Variants in IGDCC4 observed in about 807,000 individuals in gnomAD.
The protein encoded by IGDCC4 is likely ortholog of mouse neighbor of Punc E11.
IGDCC4 carries 72 observed loss-of-function variants against 116.6 expected under a neutral mutation model. The observed-to-expected ratio is 0.62, with a 90% CI of 0.51 to 0.75. IGDCC4 has a LOEUF of 0.75. Ranked by LOEUF, IGDCC4 falls within the 30% of genes least tolerant of loss-of-function variation. The probability of loss-of-function intolerance (pLI) is 0.00; values close to 1 mark genes in which losing one functional copy is unlikely to be tolerated. For missense variants in IGDCC4, 1,501 were observed against 1,662.4 expected (o/e 0.90, Z 1.69); for synonymous variants, 709 against 719.9 (o/e 0.98, Z 0.24).
chr15:65,414,501 T>C (rs1197892761), intron 1 of IGDCC4, among the ~76,000 whole-genome samples: 3 of 152,266 alleles, frequency 2.0e-5, no homozygotes, highest in Admixed American at 1.3e-4. Context: ...CTACCAGCTC[T>C]GTGACAAGCC....
intron 3 of IGDCC4, 141 bp downstream of exon 3, chr15:65,410,037 G>T: frequency 3.0e-6 from 3 of 1,010,476 alleles, no homozygotes; most frequent in East Asian, 2.6e-5. Context: ...CTAGACATGA[G>T]CCAGGAGTCA....
intron 5 of IGDCC4, among the ~76,000 whole-genome samples, 179 bp downstream of exon 5, chr15:65,400,627 C>T (rs2062974832): frequency 6.6e-6 from 1 of 152,180 alleles, no homozygotes; most frequent in Admixed American, 6.5e-5. Flanking sequence ...GAAGTCTGTC[C>T]AGTTCCCCAC....
intron 8 of IGDCC4, 68 bp downstream of exon 8, chr15:65,395,026 G>A: frequency 1.3e-6 from 2 of 1,504,174 alleles, no homozygotes; most frequent in Non-Finnish European, 1.8e-6. Flanking sequence ...AGTAAAGAGA[G>A]GGTGAGCTCC....
intron 3 of IGDCC4, among the ~76,000 whole-genome samples, chr15:65,407,499 T>C (rs1595790188): frequency 6.9e-6 from 1 of 144,578 alleles, no homozygotes; most frequent in South Asian, 2.2e-4. Context: ...CCTGCCACCA[T>C]GTCCAGCTAA....
At chr15:65,395,025 A>G (rs2140204853) in intron 8 of IGDCC4, 69 bp downstream of exon 8, 1 of 1,502,434 alleles carries the variant, frequency 6.7e-7, no homozygotes, top group South Asian at 1.3e-5. Flanking sequence ...TAGTAAAGAG[A>G]GGGTGAGCTC....
chr15:65,393,590 C>T lies in IGDCC4; in HGVS notation c.1715-59G>A, dbSNP rs1297722459. ...CCACCTGAGGAACAGGATCCTAAAC[C>T]CCCCTACATGGCTCTTCCGCCTCAC... is the stretch of plus-strand genomic sequence containing the variant. On this transcript the variant is annotated intron_variant, in intron 9 of 19. Coordinates refer to ENST00000352385, the MANE Select transcript of IGDCC4 (RefSeq NM_020962.3). The surrounding 1 kb of genome is among the most constrained non-coding windows in gnomAD (Gnocchi z 4.6). 6.6e-7 allele frequency: 1 copy of T among 1,508,840 alleles called. No individual in the cohort carries two copies. Among genetic ancestry groups the T allele is most frequent in the South Asian group, 1.3e-5 (1 of 77,310 alleles). 93.5% of individuals were successfully genotyped at this position (1,508,840 alleles called of 1,614,324 possible). A position where few individuals can be genotyped will look rare whatever the true frequency, so the allele number is the denominator to read the frequency against.
Position 65,386,647 on chromosome 15 carries a change from T to C in IGDCC4, c.2855A>G (p.Asp952Gly). ...TLQEKLSDSL[D>G]MHSVTGIIVG... Reference sequence around the variant, plus strand: ...GATGATGCCCGTGACTGAGTGCATGTCCAGCGAGTCTGGTGGGGGAGAGAG... The same window carrying C: ...GATGATGCCCGTGACTGAGTGCATGCCCAGCGAGTCTGGTGGGGGAGAGAG... Residue 952 changes from aspartate (D) to glycine (G), a missense_variant, in exon 17 of 20, where the codon GAC becomes GGC. This residue lies in a region of IGDCC4 where 235 missense variants were observed against 328.0 expected (regional missense o/e 0.72). Coordinates refer to ENST00000352385, the MANE Select transcript of IGDCC4 (RefSeq NM_020962.3). 6.2e-7 allele frequency: 1 copy of C among 1,610,874 alleles called. No individual in the cohort carries two copies. Among genetic ancestry groups the C allele is most frequent in the South Asian group, 1.1e-5 (1 of 89,982 alleles).
intron 2 of IGDCC4, chr15:65,410,646 C>T (rs923503705): frequency 1.1e-5 from 5 of 463,350 alleles, no homozygotes; most frequent in African/African-American, 3.9e-5. Flanking sequence ...AAGGCTGGAG[C>T]GTGGGGTTTG....
Position 65,396,101 on chromosome 15 carries a change from A to G in IGDCC4, c.1060T>C (p.Phe354Leu). Reference protein sequence around the residue: ...LSRTRASTARFVCRASGEPRP... With the variant: ...LSRTRASTARLVCRASGEPRP... ...GGCTCCCCCGACGCGCGGCACACGA[A>G]GCGCGCTGTGCTCGCCCGCGTCCGC... Residue 354 changes from phenylalanine to leucine, a missense_variant, in exon 7 of 20, where the codon TTC (phenylalanine) becomes CTC (leucine). Coordinates refer to ENST00000352385, the MANE Select transcript of IGDCC4 (RefSeq NM_020962.3). 7.1e-7 allele frequency: 1 copy of G among 1,401,510 alleles called. No homozygotes were observed. The highest frequency in any genetic ancestry group is 3.0e-5 in the East Asian group (1 of 33,192). 86.8% of individuals were successfully genotyped at this position (1,401,510 alleles called of 1,614,324 possible).
At chr15:65,421,905 C>T (rs1210197640) in intron 1 of IGDCC4, among the ~76,000 whole-genome samples, 2 of 152,084 alleles carry the variant, frequency 1.3e-5, no homozygotes, top group Non-Finnish European at 2.9e-5. Context: ...TTCGCTATCC[C>T]CTCCCCAGCC....
chr15:65,385,649 G>A (rs1222013513), intron 18 of IGDCC4, 182 bp downstream of exon 18: 4 of 682,054 alleles, frequency 5.9e-6, no homozygotes, highest in Non-Finnish European at 1.1e-5. Context: ...ATTCCGCCGG[G>A]ATATGGAGGC....
rs2091425436 is a variant in IGDCC4, at chr15:65,383,843, G to T, written c.*166C>A. On this transcript the variant is annotated 3_prime_UTR_variant, in exon 20 of 20. Coordinates refer to ENST00000352385, the MANE Select transcript of IGDCC4 (RefSeq NM_020962.3). ...ATGTGTATCACAAAGAGTATGGGGG[G>T]AGTGAATAATCCATGTTTTCCTCTC... is the stretch of plus-strand genomic sequence containing the variant. 1.2e-5 allele frequency: 7 copies of T among 565,370 alleles called. No individual in the cohort carries two copies. Among genetic ancestry groups the T allele is most frequent in the Non-Finnish European group, 2.1e-5 (7 of 326,066 alleles). 35.0% of individuals were successfully genotyped at this position (565,370 alleles called of 1,614,324 possible).
intron 16 of IGDCC4, among the ~76,000 whole-genome samples, chr15:65,387,101 G>A (rs990486899): frequency 6.7e-6 from 1 of 149,622 alleles, no homozygotes; most frequent in African/African-American, 2.5e-5. Flanking sequence ...AACACGGCTC[G>A]CTGTAGCATC....
At chr15:65,421,972 G>A (rs2063195971) in intron 1 of IGDCC4, among the ~76,000 whole-genome samples, 1 of 152,088 alleles carries the variant, frequency 6.6e-6, no homozygotes, top group Non-Finnish European at 1.5e-5. Context: ...ACTGGGCTGC[G>A]GACTGGATGA....
chr15:65,407,909 C>A (rs1181315673), intron 3 of IGDCC4, among the ~76,000 whole-genome samples: 1 of 151,852 alleles, frequency 6.6e-6, no homozygotes, highest in Non-Finnish European at 1.5e-5. Flanking sequence ...GCTGGGATTA[C>A]AGGCGTGAGC....
At chr15:65,390,100 A>C (rs1271150128) in intron 13 of IGDCC4, 55 bp downstream of exon 13, 93 of 1,313,534 alleles carry the variant, frequency 7.1e-5, no homozygotes, top group South Asian at 1.7e-4. Context: ...TCCCACCACC[A>C]CCCCCCACCT....
chr15:65,384,106 A>G lies in IGDCC4; in HGVS notation c.3656T>C (p.Leu1219Pro). 6.2e-7 allele frequency: 1 copy of G among 1,612,956 alleles called. No homozygotes were observed. The highest frequency in any genetic ancestry group is 8.5e-7 in the Non-Finnish European group (1 of 1,179,570). ...GCAGCTATCTCCAGGGGTCTCCTCT[A>G]GCACCTCGCCTGGCTGGAGGTCCGG... ...SYPDLQPGEV[L>P]EETPGDSCQL... Residue 1219 changes from leucine (L) to proline (P), a missense_variant, in exon 20 of 20, where the codon CTA becomes CCA. Around this residue, in one of 3 missense-constraint regions of IGDCC4, gnomAD observed 368 missense variants for 355.6 expected, o/e 1.03. Transcript: ENST00000352385. This position sits in a 1 kb window ranked among gnomAD's most constrained non-coding sequence, Gnocchi z 4.9.
At chr15:65,386,458 A>G in intron 17 of IGDCC4, 93 bp downstream of exon 17, 2 of 1,091,242 alleles carry the variant, frequency 1.8e-6, no homozygotes, top group Admixed American at 4.0e-5. Context: ...GGGAGTGCCA[A>G]GGGCAAGTCA....
chr15:65,397,220 C>T (rs2062937104), intron 5 of IGDCC4, among the ~76,000 whole-genome samples: 1 of 152,188 alleles, frequency 6.6e-6, no homozygotes, highest in South Asian at 2.1e-4. Flanking sequence ...AATGTCAGAA[C>T]CCCTGGCACA....
Sources: gnomAD v4.1 joint callset for allele counts (sites outside exome capture counted in the v4.1 genomes callset) on GRCh38, gnomAD v4.1.1 for gene constraint, gnomAD v4.1.1 regional missense constraint, Gnocchi (gnomAD v3.1) non-coding constraint, MANE v1.5 for transcripts, NCBI Gene and HGNC (gene_info 2026-07-23, HGNC 2026-07-21) for gene names.